Variants in DUSP13B observed in about 807,000 individuals in gnomAD.
The protein encoded by DUSP13B is dual specificity protein phosphatase 13B.
chr10:75,109,003 A>G, the DUSP13B span: 1 of 1,595,466 alleles, frequency 6.3e-7, no homozygotes, highest in Non-Finnish European at 8.6e-7. Context: ...GCCAGCTACC[A>G]CTCACGCATC....
At chr10:75,106,121 T>C in the DUSP13B span, among the ~76,000 whole-genome samples, 1 of 141,014 alleles carries the variant, frequency 7.1e-6, no homozygotes, top group African/African-American at 2.7e-5. Context: ...TTTTTTTTTT[T>C]AGTAGAGACA....
the DUSP13B span, chr10:75,099,170 T>G: frequency 8.1e-6 from 10 of 1,231,172 alleles, no homozygotes; most frequent in Non-Finnish European, 1.0e-5. Context: ...TGGTGCCGTG[T>G]TGGAGAGGGG....
chr10:75,105,883 C>T, the DUSP13B span: 2 of 1,544,764 alleles, frequency 1.3e-6, no homozygotes, highest in African/African-American at 2.7e-5. Context: ...GGAAGACATC[C>T]TGGTGAAAAA....
the DUSP13B span, among the ~76,000 whole-genome samples, chr10:75,096,495 T>G: frequency 0.031 from 4,652 of 150,966 alleles, 105 homozygotes; most frequent in Non-Finnish European, 0.049. Flanking sequence ...GAGAATCACC[T>G]GAGCCTGGGA....
At chr10:75,099,729 G>A in the DUSP13B span, 10 of 298,970 alleles carry the variant, frequency 3.3e-5, no homozygotes, top group East Asian at 6.7e-4. Flanking sequence ...ACCTGAAGAG[G>A]TGGGAAGAGA....
the DUSP13B span, chr10:75,094,526 A>G: frequency 2.5e-6 from 2 of 793,710 alleles, no homozygotes; most frequent in East Asian, 5.4e-5. Context: ...TCCACCCGCT[A>G]AGAGGTCACC....
the DUSP13B span, among the ~76,000 whole-genome samples, chr10:75,104,725 T>C: frequency 6.6e-6 from 1 of 152,160 alleles, no homozygotes; most frequent in Non-Finnish European, 1.5e-5. Context: ...AAGTTTCTTA[T>C]CACAGTCACC....
the DUSP13B span, chr10:75,101,813 C>T: frequency 6.8e-4 from 868 of 1,274,076 alleles, 6 homozygotes; most frequent in African/African-American, 0.011. Context: ...CCTCATTACC[C>T]AGCATGCTCA....
chr10:75,095,456 G>A, the DUSP13B span: 170 of 877,258 alleles, frequency 1.9e-4, 1 homozygote, highest in Middle Eastern at 3.4e-4. Flanking sequence ...TCCCTATGGA[G>A]TGGGAGGGTT....
the DUSP13B span, chr10:75,097,712 G>C: frequency 6.4e-7 from 1 of 1,566,140 alleles, no homozygotes; most frequent in Non-Finnish European, 8.7e-7. Flanking sequence ...TCTTACTCAC[G>C]CATCTCCCAG....
At chr10:75,094,661 T>C in the DUSP13B span, 1 of 1,612,672 alleles carries the variant, frequency 6.2e-7, no homozygotes, top group Non-Finnish European at 8.5e-7. Flanking sequence ...TCAGGGATCC[T>C]GGCTGCCTGC....
the DUSP13B span, chr10:75,094,822 C>A: frequency 6.2e-7 from 1 of 1,614,172 alleles, no homozygotes. Context: ...ATGAGGAAGG[C>A]CAGGACAAGT....
At chr10:75,108,192 C>A in the DUSP13B span, 1 of 1,606,094 alleles carries the variant, frequency 6.2e-7, no homozygotes, top group Non-Finnish European at 8.5e-7. Context: ...CAGCTCAAAG[C>A]GGTTGTTTGC....
At chr10:75,101,126 A>C in the DUSP13B span, among the ~76,000 whole-genome samples, 1 of 152,110 alleles carries the variant, frequency 6.6e-6, no homozygotes, top group Non-Finnish European at 1.5e-5. Context: ...TGTGGCTGCC[A>C]GTGGGGAACA....
At chr10:75,106,411 C>G in the DUSP13B span, among the ~76,000 whole-genome samples, 2 of 152,136 alleles carry the variant, frequency 1.3e-5, no homozygotes, top group African/African-American at 4.8e-5. Flanking sequence ...CAAATTGTTT[C>G]CCCTGGTCTC....
chr10:75,098,883 AAGGCTGGGGTTTT>A, the DUSP13B span: 1 of 969,930 alleles, frequency 1.0e-6, no homozygotes, highest in African/African-American at 1.7e-5. Flanking sequence ...CATGAGTAGC[AAGGCTGGGGTTTT>A]AGTCCATCCC....
the DUSP13B span, chr10:75,094,879 C>T: frequency 6.2e-7 from 1 of 1,613,678 alleles, no homozygotes. Context: ...AGCACGCGGC[C>T]TGTAGGGAGA....
the DUSP13B span, chr10:75,105,857 C>T: frequency 5.8e-6 from 9 of 1,549,116 alleles, no homozygotes; most frequent in East Asian, 1.2e-4. Context: ...ACACAGTGCA[C>T]CAGGACCTTG....
the DUSP13B span, chr10:75,108,179 C>T: frequency 6.2e-7 from 1 of 1,611,452 alleles, no homozygotes; most frequent in Admixed American, 1.7e-5. Flanking sequence ...TGCCCAGCTT[C>T]CACAGCTCAA....
Sources: gnomAD v4.1 joint callset for allele counts (sites outside exome capture counted in the v4.1 genomes callset) on GRCh38, gnomAD v4.1.1 for gene constraint, MANE v1.5 for transcripts, NCBI Gene and HGNC (gene_info 2026-07-23, HGNC 2026-07-21) for gene names.